The following PSD3 variants were observed in gnomAD, a reference collection of about 807,000 sequenced individuals.
The protein encoded by PSD3 is PH and SEC7 domain-containing protein 3.
In PSD3, 49 loss-of-function variants were observed where a neutral mutation model predicts 105.5. The ratio of observed to expected loss-of-function variants is 0.46; its 90% CI spans 0.37 to 0.59. The LOEUF (loss-of-function observed/expected upper bound fraction) is 0.59. Ranked by LOEUF, PSD3 falls within the 20% of genes least tolerant of loss-of-function variation. PSD3 has a pLI of 0.00. For missense variants in PSD3, 1,561 were observed against 1,263.8 expected (o/e 1.24, Z -3.57); for synonymous variants, 557 against 457.8 (o/e 1.22, Z -2.77).
chr8:18,848,311 T>C (rs1458064164), intron 4 of PSD3, among the ~76,000 whole-genome samples: 1 of 152,208 alleles, frequency 6.6e-6, no homozygotes, highest in Non-Finnish European at 1.5e-5. Context: ...CAACAAAACA[T>C]GGATTTTGAT....
chr8:18,972,867 C>T (rs915308231), intron 1 of PSD3, among the ~76,000 whole-genome samples: 11 of 152,212 alleles, frequency 7.2e-5, no homozygotes, highest in Admixed American at 7.2e-4. Flanking sequence ...AGACACACAG[C>T]ATGGAAAGCA....
chr8:18,630,841 A>G (rs560388543), intron 11 of PSD3, among the ~76,000 whole-genome samples: 27 of 152,090 alleles, frequency 1.8e-4, no homozygotes, highest in South Asian at 1.5e-3. Context: ...AGAATACAAC[A>G]TAACAACTAT....
intron 4 of PSD3, among the ~76,000 whole-genome samples, chr8:18,856,008 CA>C (rs758826978): frequency 2.6e-5 from 4 of 152,298 alleles, no homozygotes; most frequent in Admixed American, 1.3e-4. Flanking sequence ...ATTAACAGAA[CA>C]GGGGGCAAAG....
intron 15 of PSD3, among the ~76,000 whole-genome samples, chr8:18,540,131 C>G (rs1219915928): frequency 6.6e-6 from 1 of 152,174 alleles, no homozygotes; most frequent in Non-Finnish European, 1.5e-5. Flanking sequence ...TGGCCCCTGA[C>G]ATGTAAGTAG....
chr8:18,812,451 T>C (rs1255699454), intron 4 of PSD3, among the ~76,000 whole-genome samples: 2 of 152,182 alleles, frequency 1.3e-5, no homozygotes, highest in African/African-American at 4.8e-5. Flanking sequence ...ACTCTAAGTA[T>C]TGCTTTGAAA....
chr8:18,533,703 T>C lies in PSD3; in HGVS notation c.*2040A>G, dbSNP rs1197794437. On this transcript the variant is annotated 3_prime_UTR_variant, in exon 16 of 16. Coordinates refer to ENST00000327040, the MANE Select transcript of PSD3 (RefSeq NM_015310.4). ...TCTAGGTACCTCTCTCCCCTCGGCTTAGTATAAACATTTAGGCAGAAAACA... is the reference window on the plus strand; with the variant it reads ...TCTAGGTACCTCTCTCCCCTCGGCTCAGTATAAACATTTAGGCAGAAAACA... 1 of 152,182 alleles carries C rather than the reference T, an allele frequency of 6.6e-6. No homozygotes were observed. Among genetic ancestry groups the C allele is most frequent in the Non-Finnish European group, 1.5e-5 (1 of 68,042 alleles). 9.4% of individuals were successfully genotyped at this position (152,182 alleles called of 1,614,324 possible).
chr8:19,050,613 A>T (rs1224378097), intron 1 of PSD3, among the ~76,000 whole-genome samples: 1 of 151,966 alleles, frequency 6.6e-6, no homozygotes, highest in Non-Finnish European at 1.5e-5. Flanking sequence ...GCATATTCTC[A>T]CTCATAGGTG....
intron 15 of PSD3, among the ~76,000 whole-genome samples, chr8:18,550,849 T>G (rs1378311829): frequency 6.6e-6 from 1 of 152,188 alleles, no homozygotes; most frequent in African/African-American, 2.4e-5. Flanking sequence ...ACTATCTCAG[T>G]TCCAGATCCA....
At chr8:18,950,862 T>C (rs1272884232) in intron 1 of PSD3, among the ~76,000 whole-genome samples, 3 of 152,140 alleles carry the variant, frequency 2.0e-5, no homozygotes, top group African/African-American at 7.2e-5. Flanking sequence ...CCAAGAACTG[T>C]CCTGTGTCAT....
rs544865661 is a variant in PSD3 at position 18,874,414 on chromosome 8, C to G, written c.131-1681G>C. Among the ~76,000 whole-genome samples the G allele has an allele frequency of 2.2e-3, 336 of 152,050 alleles. 2 individuals are homozygous for G. The highest frequency in any genetic ancestry group is 7.2e-3 in the African/African-American group (300 of 41,430). On this transcript the variant is annotated intron_variant, in intron 2 of 15. Transcript: ENST00000327040. The stretch of plus-strand genomic sequence containing the variant: ...TGTCTTGACCTCGTGATCCACCTGC[C>G]TCGGCCTCCCAAAATGCTGGGATTA...
intron 15 of PSD3, among the ~76,000 whole-genome samples, chr8:18,547,309 G>A (rs191283842): frequency 1.4e-3 from 214 of 152,324 alleles, no homozygotes; most frequent in African/African-American, 4.9e-3. Flanking sequence ...CTAATCTGAA[G>A]CAATGTAGCT....
rs148993362 is a variant in PSD3 at position 18,779,384 on chromosome 8, C to CA, written c.2083-13847dup. Among the ~76,000 whole-genome samples, 518 of 146,486 alleles carry CA rather than the reference C, an allele frequency of 3.5e-3. 3 individuals carry two copies. The highest frequency in any genetic ancestry group is 5.2e-3 in the Non-Finnish European group (345 of 66,044). ...AATTTATGAATGTTGTTTATTCTCTCAAAAAAAAAACCCAACTCTTCATTT... is the reference window on the plus strand; with the variant it reads ...AATTTATGAATGTTGTTTATTCTCTCAAAAAAAAAAACCCAACTCTTCATTT... On this transcript the variant is annotated intron_variant, in intron 8 of 15. Transcript: ENST00000327040.
At chr8:19,033,985 A>G (rs1029195022) in intron 1 of PSD3, among the ~76,000 whole-genome samples, 6 of 152,206 alleles carry the variant, frequency 3.9e-5, no homozygotes, top group Admixed American at 2.0e-4. Context: ...ATATCTAGGG[A>G]AACGTGATTA....
chr8:18,789,644 T>A (rs1037923273), intron 8 of PSD3, among the ~76,000 whole-genome samples: 1 of 152,158 alleles, frequency 6.6e-6, no homozygotes, highest in African/African-American at 2.4e-5. Flanking sequence ...GCACTTCCCC[T>A]AAAATTTGAA....
Position 18,575,169 on chromosome 8 carries a change from T to A in PSD3, c.2598A>T (p.Lys866Asn), listed in dbSNP as rs1479570691. Residue 866 changes from lysine to asparagine, a missense_variant, in exon 13 of 16, where the codon AAA becomes AAT. Physicochemically the swap from Lys to Asn is moderately conservative, Grantham distance 94. Coordinates refer to ENST00000327040, the MANE Select transcript of PSD3 (RefSeq NM_015310.4). ...TDYEKKPNVF[K>N]LKTADWRVLL... ...AGACCCTCCAGTCGGCAGTTTTAAGTTTAAACACGTTTGGTTTCTTCTCAT... is the reference window on the plus strand; with the variant it reads ...AGACCCTCCAGTCGGCAGTTTTAAGATTAAACACGTTTGGTTTCTTCTCAT... 1 of 1,613,792 alleles carries A rather than the reference T, an allele frequency of 6.2e-7. No homozygotes were observed. Among genetic ancestry groups the A allele is most frequent in the African/African-American group, 1.3e-5 (1 of 75,024 alleles).
chr8:18,766,051 G>A (rs1806971003), intron 8 of PSD3, among the ~76,000 whole-genome samples: 2 of 151,934 alleles, frequency 1.3e-5, no homozygotes, highest in African/African-American at 4.8e-5. Flanking sequence ...ACAGGGCTGG[G>A]CACAGTGGCT....
Position 18,693,656 on chromosome 8 carries a change from G to T in PSD3, c.2173-37971C>A, listed in dbSNP as rs898993752. ...TCAGAGTCGGTGACAGAGCCCCCCT[G>T]TTGCAGTTGTGGTGGCAACTGCAGG... On this transcript the variant is annotated intron_variant, in intron 9 of 15. Coordinates refer to ENST00000327040, the MANE Select transcript of PSD3 (RefSeq NM_015310.4). Among the ~76,000 whole-genome samples, 3 of 152,258 alleles carry T rather than the reference G, an allele frequency of 2.0e-5. No individual in the cohort carries two copies. In the South Asian group the frequency reaches 6.2e-4, roughly 32 times the overall value.
chr8:18,791,409 C>T (rs1272498728), intron 8 of PSD3, among the ~76,000 whole-genome samples: 1 of 152,056 alleles, frequency 6.6e-6, no homozygotes, highest in East Asian at 1.9e-4. Flanking sequence ...GAATAGAGAA[C>T]CCAGAAATAA....
intron 9 of PSD3, among the ~76,000 whole-genome samples, chr8:18,736,596 A>G (rs1360333596): frequency 1.3e-5 from 2 of 152,170 alleles, no homozygotes; most frequent in African/African-American, 4.8e-5. Flanking sequence ...TTGATCATCA[A>G]TGGGGCTGTA....
Sources: allele counts gnomAD v4.1 joint callset (sites outside exome capture counted in the v4.1 genomes callset), GRCh38; gene constraint gnomAD v4.1.1; transcripts MANE v1.5; gene names NCBI Gene and HGNC (gene_info 2026-07-23, HGNC 2026-07-21).